GPBP1: variants seen among roughly 807,000 people sequenced by gnomAD.
GPBP1 encodes the protein GC-rich promoter binding protein 1.
Under a neutral mutation model 56.5 loss-of-function variants are expected in GPBP1, and 13 were observed. The observed-to-expected ratio is 0.23, with a 90% CI of 0.15 to 0.37. GPBP1 has a LOEUF of 0.37. Ranked by LOEUF, GPBP1 falls within the 10% of genes least tolerant of loss-of-function variation. The pLI is 1.00. For synonymous variants in GPBP1, 204 were observed against 188.9 expected, an observed-to-expected ratio of 1.08 and a Z score of -0.66; for missense variants, 477 against 572.3, an observed-to-expected ratio of 0.83 and a Z score of 1.70.
chr5:57,205,064 T>G (rs1179963804), intron 2 of GPBP1, among the ~76,000 whole-genome samples: 1 of 152,176 alleles, frequency 6.6e-6, no homozygotes, highest in African/African-American at 2.4e-5. Flanking sequence ...TCCAGAATGT[T>G]TTCATCACCC....
intron 3 of GPBP1, among the ~76,000 whole-genome samples, chr5:57,217,359 G>C (rs1466352477): frequency 6.6e-6 from 1 of 152,072 alleles, no homozygotes; most frequent in Non-Finnish European, 1.5e-5. Context: ...GATCACCTGA[G>C]GTCAGGAGTT....
intron 2 of GPBP1, among the ~76,000 whole-genome samples, chr5:57,179,997 A>C (rs1438201182): frequency 6.6e-6 from 1 of 152,142 alleles, no homozygotes; most frequent in Non-Finnish European, 1.5e-5. Context: ...GGGAAAGAAC[A>C]GGAAGAGTGA....
Position 57,189,004 on chromosome 5 carries a change from T to TCTGTCTG in GPBP1, c.-58+12604_-58+12605insCTGTCTG, listed in dbSNP as rs570610410. Reference sequence around the variant, plus strand: ...TTTCTGTCTGTCTGTCTGTCTGTCTTTCTTTGCGACGAAGTTTCACTCTTG... The same window carrying TCTGTCTG: ...TTTCTGTCTGTCTGTCTGTCTGTCTTCTGTCTGTCTTTGCGACGAAGTTTCACTCTTG... On this transcript the variant is annotated intron_variant, in intron 2 of 11. Coordinates refer to ENST00000506184, the MANE Select transcript of GPBP1 (RefSeq NM_022913.4). Among the ~76,000 whole-genome samples, 57 of 152,232 alleles carry TCTGTCTG rather than the reference T, an allele frequency of 3.7e-4. 2 individuals carry two copies. The East Asian group carries it at 9.3e-3, about 25-fold the overall frequency.
intron 2 of GPBP1, among the ~76,000 whole-genome samples, chr5:57,198,052 CGTT>C (rs1232518752): frequency 5.9e-5 from 9 of 151,838 alleles, no homozygotes; most frequent in East Asian, 3.9e-4. Context: ...GTTTCGGTGT[CGTT>C]GTTATGTTTA....
At chr5:57,200,846 T>C (rs1185133437) in intron 2 of GPBP1, among the ~76,000 whole-genome samples, 4 of 152,100 alleles carry the variant, frequency 2.6e-5, no homozygotes, top group African/African-American at 9.7e-5. Flanking sequence ...CACGCGCGGC[T>C]AGTTTATATT....
At position 57,235,954 on chromosome 5, in the gene GPBP1, ACTTT is replaced by A. The variant is rs1337816044; in HGVS notation, c.412-8_412-5del. ...TTTAAAATGTGAAATGTTTATTCCA[ACTTT>A]CTTCCAGCCGTCTTTAAATCCTGAG... On this transcript the variant is annotated splice_region_variant and splice_polypyrimidine_tract_variant and intron_variant, in intron 5 of 11. Transcript: ENST00000506184. The A allele has an allele frequency of 3.1e-6, 5 of 1,590,808 alleles. No individual in the cohort carries two copies. The highest frequency in any genetic ancestry group is 4.3e-6 in the Non-Finnish European group (5 of 1,160,106).
intron 10 of GPBP1, among the ~76,000 whole-genome samples, chr5:57,252,997 C>T (rs890165061): frequency 6.6e-6 from 1 of 152,198 alleles, no homozygotes; most frequent in Non-Finnish European, 1.5e-5. Flanking sequence ...GTGTGAGCCA[C>T]CACTCCCAGC....
At chr5:57,197,646 A>G (rs1292332776) in intron 2 of GPBP1, among the ~76,000 whole-genome samples, 3 of 152,224 alleles carry the variant, frequency 2.0e-5, no homozygotes, top group Non-Finnish European at 2.9e-5. Flanking sequence ...GGCGGGAGCC[A>G]TTGCGCCTGG....
At chr5:57,247,499 G>A (rs1161576558) in intron 8 of GPBP1, among the ~76,000 whole-genome samples, 2 of 151,968 alleles carry the variant, frequency 1.3e-5, no homozygotes, top group Non-Finnish European at 2.9e-5. Context: ...GACCAGCCTC[G>A]GCAATATGGT....
At chr5:57,204,544 G>C (rs1755151226) in intron 2 of GPBP1, among the ~76,000 whole-genome samples, 1 of 152,078 alleles carries the variant, frequency 6.6e-6, no homozygotes, top group African/African-American at 2.4e-5. Flanking sequence ...GAGCCACTTT[G>C]CCTGGCTTGA....
intron 3 of GPBP1, among the ~76,000 whole-genome samples, chr5:57,221,730 A>C (rs913149939): frequency 2.0e-5 from 3 of 152,204 alleles, no homozygotes; most frequent in Non-Finnish European, 2.9e-5. Context: ...CAGTGTTAAA[A>C]AGATTAGTAT....
rs1741364238 is a variant in GPBP1 at position 57,251,065 on chromosome 5, A to G, written c.1084A>G (p.Ile362Val). ...TCAAGAGAATGGCAATGCCTCAGTGATTTCCCAGCAGATCATTCGGTCTTC... is the reference window on the plus strand; with the variant it reads ...TCAAGAGAATGGCAATGCCTCAGTGGTTTCCCAGCAGATCATTCGGTCTTC... ...IPQENGNASV[I>V]SQQIIRSSTF... The change falls in exon 10 of 12, where the codon ATT becomes GTT. Residue 362 changes from isoleucine (I) to valine (V), a missense_variant. By Grantham distance (29) the Ile-to-Val change is conservative. Transcript: ENST00000506184. The G allele has an allele frequency of 6.2e-7, 1 of 1,613,506 alleles. No homozygotes were observed. The highest frequency in any genetic ancestry group is 8.5e-7 in the Non-Finnish European group (1 of 1,179,862).
chr5:57,181,602 G>A (rs1201010679), intron 2 of GPBP1, among the ~76,000 whole-genome samples: 1 of 151,286 alleles, frequency 6.6e-6, no homozygotes, highest in Non-Finnish European at 1.5e-5. Flanking sequence ...TTAAAAAAAA[G>A]GTGGGGGGGC....
At chr5:57,224,807 G>A (rs1162393200) in intron 3 of GPBP1, among the ~76,000 whole-genome samples, 1 of 151,826 alleles carries the variant, frequency 6.6e-6, no homozygotes, top group African/African-American at 2.4e-5. Flanking sequence ...CATACCACAG[G>A]GTGATAGCTT....
At chr5:57,250,375 T>G (rs1741324824) in intron 9 of GPBP1, among the ~76,000 whole-genome samples, 1 of 152,112 alleles carries the variant, frequency 6.6e-6, no homozygotes, top group Non-Finnish European at 1.5e-5. Context: ...AAAAGCATTC[T>G]TGTTTATATC....
chr5:57,201,300 TTTCC>T (rs1457500072), intron 2 of GPBP1, among the ~76,000 whole-genome samples: 29 of 152,180 alleles, frequency 1.9e-4, no homozygotes, highest in Non-Finnish European at 3.8e-4. Flanking sequence ...CTAATTTTTT[TTTCC>T]CAGTACAGAA....
In GPBP1 at chr5:57,218,385, G is replaced by T. The variant is rs190299544; in HGVS notation, c.63+4192G>T. Among the ~76,000 whole-genome samples, 196 of 152,310 alleles carry T rather than the reference G, an allele frequency of 1.3e-3. 1 individual carries two copies. Among genetic ancestry groups the T allele is most frequent in the Admixed American group, 0.011 (162 of 15,286 alleles). On this transcript the variant is annotated intron_variant, in intron 3 of 11. Transcript: ENST00000506184. ...GAACAATTTGTTGGGATGGCTCAAA[G>T]AATTCAGGGAAACACATTTGCTGAT...
intron 11 of GPBP1, among the ~76,000 whole-genome samples, 191 bp downstream of exon 11, chr5:57,261,473 C>T (rs967195325): frequency 6.6e-6 from 1 of 151,998 alleles, no homozygotes; most frequent in Non-Finnish European, 1.5e-5. Flanking sequence ...TCCTGGGTGC[C>T]AGGTGATCCT....
chr5:57,190,824 AG>A (rs1754490690), intron 2 of GPBP1, among the ~76,000 whole-genome samples: 1 of 148,536 alleles, frequency 6.7e-6, no homozygotes, highest in Admixed American at 6.9e-5. Flanking sequence ...TTCCGGCCTC[AG>A]CCTTCTGAGT....
Sources: allele counts gnomAD v4.1 joint callset (sites outside exome capture counted in the v4.1 genomes callset), GRCh38; gene constraint gnomAD v4.1.1; transcripts MANE v1.5; gene names NCBI Gene and HGNC (gene_info 2026-07-23, HGNC 2026-07-21).